The following BNIP3L variants were observed in gnomAD, a reference collection of about 807,000 sequenced individuals.
BNIP3L encodes BCL2 interacting protein 3 like.
Under a neutral mutation model 25.5 loss-of-function variants are expected in BNIP3L, and 10 were observed. That is an observed-to-expected ratio of 0.39 (90% CI 0.24 to 0.67). BNIP3L has a LOEUF of 0.67. Ranked by LOEUF, BNIP3L falls within the 30% of genes least tolerant of loss-of-function variation. The pLI, the probability that BNIP3L is intolerant of heterozygous loss-of-function variation, is 0.45. For synonymous variants in BNIP3L, 113 were observed against 101.2 expected, an observed-to-expected ratio of 1.12 and a Z score of -0.70; for missense variants, 215 against 270.9, an observed-to-expected ratio of 0.79 and a Z score of 1.45.
rs1004285403 is a variant in BNIP3L at position 26,391,940 on chromosome 8, G to A, written c.284+514G>A. On this transcript the variant is annotated intron_variant, in intron 2 of 5. Coordinates refer to ENST00000380629, the MANE Select transcript of BNIP3L (RefSeq NM_004331.3). ...TCATAGGAACTGCAGGTTGCTTCAC[G>A]TTATAGCAATATTTGCACAGTTGGA... 3.3e-5 allele frequency among the ~76,000 whole-genome samples: 5 copies of A among 152,164 alleles called. No homozygotes were observed. The East Asian group carries it at 7.7e-4, about 23-fold the overall frequency.
chr8:26,410,406 C>G lies in BNIP3L; in HGVS notation c.654C>G (p.Thr218=), dbSNP rs1209813068. ...GKRLSTPSAS[T]Y ...GACTGAGCACACCCTCTGCCAGCAC[C>G]TACTGAGGGAAAGGAAAAGCCCCTG... is the stretch of plus-strand genomic sequence containing the variant. Residue 218 remains threonine, a synonymous_variant, in exon 6 of 6, where the codon ACC becomes ACG. Coordinates refer to ENST00000380629, the MANE Select transcript of BNIP3L (RefSeq NM_004331.3). 2.5e-6 allele frequency: 4 copies of G among 1,614,010 alleles called. No individual in the cohort carries two copies. Among genetic ancestry groups the G allele is most frequent in the Non-Finnish European group, 2.5e-6 (3 of 1,180,008 alleles).
intron 2 of BNIP3L, among the ~76,000 whole-genome samples, chr8:26,394,009 C>T (rs1563339336): frequency 6.6e-6 from 1 of 152,138 alleles, no homozygotes; most frequent in Non-Finnish European, 1.5e-5. Flanking sequence ...TATACATACT[C>T]TTGATAACTT....
rs1427303961 is a variant in BNIP3L at position 26,383,385 on chromosome 8, G to A, written c.100+155G>A. 5 of 1,448,490 alleles carry A rather than the reference G, an allele frequency of 3.5e-6. No homozygotes were observed. The African/African-American group carries it at 4.3e-5, about 12-fold the overall frequency. 89.7% of individuals were successfully genotyped at this position (1,448,490 alleles called of 1,614,324 possible). ...ACTGACAGCTCCCGTCCCCTGTCAA[G>A]AGGAGGGGCGCCTGCCTTGCTCCGG... On this transcript the variant is annotated intron_variant, in intron 1 of 5. Coordinates refer to ENST00000380629, the MANE Select transcript of BNIP3L (RefSeq NM_004331.3).
intron 1 of BNIP3L, chr8:26,390,309 A>G (rs1806075386): frequency 2.1e-6 from 2 of 965,544 alleles, no homozygotes; most frequent in South Asian, 4.8e-5. Context: ...CATCAGACCA[A>G]TAAATATTTT....
At chr8:26,387,016 T>C (rs74368561) in intron 1 of BNIP3L, among the ~76,000 whole-genome samples, 9,672 of 152,204 alleles carry the variant, frequency 0.064, 470 homozygotes, top group East Asian at 0.25. Flanking sequence ...AGAATGTAAA[T>C]ATAATGAAAT....
intron 1 of BNIP3L, among the ~76,000 whole-genome samples, chr8:26,385,257 A>G (rs1805967853): frequency 6.6e-6 from 1 of 152,136 alleles, no homozygotes; most frequent in Admixed American, 6.5e-5. Flanking sequence ...CACTGAAAGC[A>G]AAGGGATTTT....
chr8:26,387,183 C>A (rs904688436), intron 1 of BNIP3L, among the ~76,000 whole-genome samples: 5 of 152,126 alleles, frequency 3.3e-5, no homozygotes, highest in Non-Finnish European at 7.3e-5. Flanking sequence ...ATACAACATA[C>A]GGCAATGAGT....
intron 3 of BNIP3L, among the ~76,000 whole-genome samples, chr8:26,404,140 C>T (rs960674212): frequency 9.9e-5 from 15 of 152,188 alleles, no homozygotes; most frequent in Non-Finnish European, 8.8e-5. Context: ...CATGAAACTG[C>T]TTTTCGGATG....
intron 3 of BNIP3L, among the ~76,000 whole-genome samples, chr8:26,403,657 C>T (rs1277523314): frequency 1.3e-5 from 2 of 151,808 alleles, no homozygotes; most frequent in Non-Finnish European, 2.9e-5. Context: ...CTGCCTCAGT[C>T]TCCCTAGTAG....
chr8:26,395,102 G>C, intron 2 of BNIP3L, 128 bp from the exon 3 acceptor site: 1 of 844,308 alleles, frequency 1.2e-6, no homozygotes, highest in Non-Finnish European at 1.8e-6. Context: ...ATAGGGTTAT[G>C]ATATATTCTC....
At chr8:26,395,362 T>A in intron 3 of BNIP3L, 60 bp downstream of exon 3, 1 of 1,532,456 alleles carries the variant, frequency 6.5e-7, no homozygotes, top group Non-Finnish European at 9.0e-7. Flanking sequence ...ATTCTCTAAG[T>A]ATATTTTGCT....
chr8:26,393,236 G>T (rs985919112), intron 2 of BNIP3L, among the ~76,000 whole-genome samples: 3 of 151,290 alleles, frequency 2.0e-5, no homozygotes, highest in Admixed American at 2.0e-4. Flanking sequence ...AATGTTTTAG[G>T]GTTGTTGGGT....
At chr8:26,395,540 C>G (rs1806215027) in intron 3 of BNIP3L, 1 of 481,102 alleles carries the variant, frequency 2.1e-6, no homozygotes, top group South Asian at 3.0e-5. Context: ...TAAATCATGC[C>G]AATACTCCAG....
chr8:26,410,305 G>A, intron 5 of BNIP3L, 59 bp from the exon 6 acceptor site: 1 of 1,597,980 alleles, frequency 6.3e-7, no homozygotes, highest in South Asian at 1.1e-5. Flanking sequence ...TCAACCTGTG[G>A]ACAAGCTGGT....
rs773014907 is a variant in BNIP3L at position 26,391,437 on chromosome 8, C to A, written c.284+11C>A. 2 of 1,513,934 alleles carry A rather than the reference C, an allele frequency of 1.3e-6. No individual in the cohort carries two copies. Among genetic ancestry groups the A allele is most frequent in the South Asian group, 1.3e-5 (1 of 76,124 alleles). 93.8% of individuals were successfully genotyped at this position (1,513,934 alleles called of 1,614,324 possible). On this transcript the variant is annotated intron_variant, in intron 2 of 5. Transcript: ENST00000380629. ...TTCTCACTGTGACAGGTAAGTGAGA[C>A]CCATGTTTTGGTGGAATTCAGGAAA... is the stretch of plus-strand genomic sequence containing the variant.
Position 26,408,014 on chromosome 8 carries a change from T to C in BNIP3L, c.372T>C (p.Val124=), listed in dbSNP as rs1806538502. The change falls in exon 4 of 6, where the codon GTT becomes GTC. Residue 124 remains valine (V), a synonymous_variant. Transcript: ENST00000380629. ...CTTCTTTACAGTCAGAAGAAGAAGT[T>C]GTAGAAGGAGAGAAGGAAGTCGAGG... ...RDHSSQSEEE[V]VEGEKEVEAL... is the part of the protein sequence containing the mutation. 6.2e-7 allele frequency: 1 copy of C among 1,614,064 alleles called. No homozygotes were observed. The highest frequency in any genetic ancestry group is 8.5e-7 in the Non-Finnish European group (1 of 1,180,022).
intron 3 of BNIP3L, among the ~76,000 whole-genome samples, chr8:26,401,567 A>C (rs892575647): frequency 1.3e-5 from 2 of 151,418 alleles, no homozygotes; most frequent in African/African-American, 4.8e-5. Flanking sequence ...AAATTAAAAA[A>C]AAAAAACAAA....
chr8:26,388,817 A>G (rs1806045699), intron 1 of BNIP3L, among the ~76,000 whole-genome samples: 2 of 146,318 alleles, frequency 1.4e-5, no homozygotes, highest in South Asian at 4.3e-4. Context: ...CTAAATAAAT[A>G]AATAAATAAA....
At chr8:26,388,375 A>C (rs1267496819) in intron 1 of BNIP3L, among the ~76,000 whole-genome samples, 1 of 152,226 alleles carries the variant, frequency 6.6e-6, no homozygotes, top group African/African-American at 2.4e-5. Flanking sequence ...GAGAAAACTG[A>C]GGCACAAAGA....
Sources: gnomAD v4.1 joint callset for allele counts (sites outside exome capture counted in the v4.1 genomes callset) on GRCh38, gnomAD v4.1.1 for gene constraint, MANE v1.5 for transcripts, NCBI Gene and HGNC (gene_info 2026-07-23, HGNC 2026-07-21) for gene names.